TOR3A: variants seen among roughly 807,000 people sequenced by gnomAD.
TOR3A encodes the protein torsin family 3 member A.
In TOR3A, 44 loss-of-function variants were observed where a neutral mutation model predicts 42.1. That is an observed-to-expected ratio of 1.04 (90% CI 0.82 to 1.34). The LOEUF (loss-of-function observed/expected upper bound fraction) is 1.34, where lower values mean the gene tolerates loss of function less well. Among genes scored for constraint, TOR3A ranks in the 40% most tolerant of loss-of-function variants. The pLI is 0.00. For synonymous variants in TOR3A, 227 were observed against 213.2 expected (o/e 1.06, Z -0.57); for missense variants, 521 against 507.6 (o/e 1.03, Z -0.25).
At chr1:179,083,145 T>C (rs1572571907) in intron 2 of TOR3A, 92 bp downstream of exon 2, 1 of 705,050 alleles carries the variant, frequency 1.4e-6, no homozygotes, top group Non-Finnish European at 2.2e-6. Context: ...CCTTTCGTCA[T>C]CCTGCCCAGC....
In TOR3A at chr1:179,087,913, G is replaced by C; in HGVS notation, c.642G>C (p.Glu214Asp). ...GCTGCTCCCTATATCCCGTGCAGGAGCAGCTGATGAGCCAGATCCGGGAGA... is the reference window on the plus strand; with the variant it reads ...GCTGCTCCCTATATCCCGTGCAGGACCAGCTGATGAGCCAGATCCGGGAGA... The part of the protein sequence containing the change: ...PHPKYVDLYK[E>D]QLMSQIRETQ... Residue 214 changes from glutamate (E) to aspartate (D), a missense_variant and splice_region_variant, in exon 4 of 6, where the codon GAG becomes GAC. Physicochemically the swap from Glu to Asp is conservative, Grantham distance 45. Transcript: ENST00000367627. 5 of 1,582,114 alleles carry C rather than the reference G, an allele frequency of 3.2e-6. No individual in the cohort carries two copies. Among genetic ancestry groups the C allele is most frequent in the Non-Finnish European group, 4.3e-6 (5 of 1,165,136 alleles).
intron 1 of TOR3A, chr1:179,082,597 C>G (rs918747424): frequency 1.9e-5 from 15 of 779,958 alleles, no homozygotes; most frequent in Non-Finnish European, 3.0e-5. Flanking sequence ...CTGCGCACCC[C>G]CCTGGCGCCC....
intron 2 of TOR3A, among the ~76,000 whole-genome samples, chr1:179,085,122 A>G (rs1475399738): frequency 6.6e-6 from 1 of 151,834 alleles, no homozygotes; most frequent in African/African-American, 2.4e-5. Context: ...GATTTCCCAA[A>G]CTCTTCAAAA....
At position 179,085,656 on chromosome 1, in the gene TOR3A, G is replaced by A. The variant is rs1465670703; in HGVS notation, c.402G>A (p.Leu134=). ...TGLEWDLNVR[L]HGQHLVQQLV... is the part of the protein sequence containing the mutation. ...TAGAGTGGGACCTGAATGTGCGGCT[G>A]CATGGCCAGCATTTGGTCCAGCAGC... Residue 134 remains leucine (L), a synonymous_variant, in exon 3 of 6, where the codon CTG becomes CTA. Transcript: ENST00000367627. The A allele has an allele frequency of 1.2e-6, 2 of 1,614,156 alleles. No homozygotes were observed. The highest frequency in any genetic ancestry group is 1.7e-6 in the Non-Finnish European group (2 of 1,180,030).
Position 179,082,289 on chromosome 1 carries a change from C to G in TOR3A, c.161C>G (p.Ala54Gly). The change falls in exon 1 of 6, where the codon GCG becomes GGG. Residue 54 changes from alanine (A) to glycine (G), a missense_variant. Ala to Gly is a moderately conservative substitution (Grantham distance 60, BLOSUM62 0). Coordinates refer to ENST00000367627, the MANE Select transcript of TOR3A (RefSeq NM_022371.4). ...GFQRLQEQLRAAGALSKRYWT... is the reference protein window; with the variant it reads ...GFQRLQEQLRGAGALSKRYWT... ...CAGCGCCTGCAGGAGCAGCTCAGGG[C>G]GGCGGGTGCCCTCTCCAAGCGGTAC... The G allele has an allele frequency of 6.3e-7, 1 of 1,581,818 alleles. No homozygotes were observed. Among genetic ancestry groups the G allele is most frequent in the South Asian group, 1.1e-5 (1 of 87,892 alleles).
intron 4 of TOR3A, among the ~76,000 whole-genome samples, chr1:179,092,554 G>A (rs1009380160): frequency 6.6e-6 from 1 of 152,032 alleles, no homozygotes; most frequent in Non-Finnish European, 1.5e-5. Flanking sequence ...GTGAGACCTC[G>A]TCTCTACAAA....
chr1:179,087,117 C>T (rs1652456708), intron 3 of TOR3A, among the ~76,000 whole-genome samples: 2 of 152,260 alleles, frequency 1.3e-5, no homozygotes. Context: ...CACAAAGGTG[C>T]ACCCAGTAGA....
At chr1:179,082,518 C>G in intron 1 of TOR3A, 131 bp downstream of exon 1, 1 of 1,341,318 alleles carries the variant, frequency 7.5e-7, no homozygotes, top group Non-Finnish European at 1.0e-6. Context: ...CCGCCGGTAC[C>G]GGCTGTGGGC....
intron 4 of TOR3A, among the ~76,000 whole-genome samples, chr1:179,092,932 G>A (rs1652631170): frequency 6.6e-6 from 1 of 152,184 alleles, no homozygotes; most frequent in African/African-American, 2.4e-5. Flanking sequence ...TGAGCCTGGG[G>A]AGGTGGAGGC....
At position 179,088,027 on chromosome 1, in the gene TOR3A, A is replaced by G. The variant is rs770388493; in HGVS notation, c.756A>G (p.Leu252=). Residue 252 remains leucine, a synonymous_variant, in exon 4 of 6, where the codon TTA becomes TTG. Transcript: ENST00000367627. ...TGCTGGAGGTCCTTGGGCCACACTT[A>G]GAACGCCGGGCCCCTGAGGGCCACA... The part of the protein sequence containing the change: ...PGLLEVLGPH[L]ERRAPEGHRA... 8 of 1,613,520 alleles carry G rather than the reference A, an allele frequency of 5.0e-6. No homozygotes were observed. The highest frequency in any genetic ancestry group is 3.3e-5 in the Admixed American group (2 of 59,902).
chr1:179,091,100 G>A (rs938396447), intron 4 of TOR3A, among the ~76,000 whole-genome samples: 2 of 152,194 alleles, frequency 1.3e-5, no homozygotes, highest in African/African-American at 4.8e-5. Flanking sequence ...CTGTTCTTTA[G>A]GAAAGATGTA....
intron 4 of TOR3A, among the ~76,000 whole-genome samples, chr1:179,088,875 G>A (rs16853640): frequency 0.1 from 15,853 of 152,250 alleles, 908 homozygotes; most frequent in African/African-American, 0.15. Flanking sequence ...CAATTTGAAG[G>A]CTTCACAACA....
chr1:179,086,171 G>A (rs1436905826), intron 3 of TOR3A, among the ~76,000 whole-genome samples: 1 of 152,218 alleles, frequency 6.6e-6, no homozygotes, highest in African/African-American at 2.4e-5. Flanking sequence ...GATTTTTGTT[G>A]TAGAAGTAGT....
At chr1:179,088,977 G>T (rs192389374) in intron 4 of TOR3A, among the ~76,000 whole-genome samples, 2 of 152,144 alleles carry the variant, frequency 1.3e-5, no homozygotes, top group Admixed American at 1.3e-4. Context: ...TTGCTGGGGG[G>T]GTTTCCCAAG....
At chr1:179,089,321 C>CAA (rs11311033) in intron 4 of TOR3A, among the ~76,000 whole-genome samples, 1,981 of 130,732 alleles carry the variant, frequency 0.015, 42 homozygotes, top group African/African-American at 0.044. Context: ...GACTCCATCT[C>CAA]AAAAAAAAAA....
chr1:179,094,383 A>C (rs1652677327), intron 5 of TOR3A, among the ~76,000 whole-genome samples, 166 bp downstream of exon 5: 1 of 152,218 alleles, frequency 6.6e-6, no homozygotes, highest in Non-Finnish European at 1.5e-5. Context: ...AAAAGTGGTA[A>C]GAAAGCCTGA....
chr1:179,095,851 T>C lies in TOR3A; in HGVS notation c.*633T>C, dbSNP rs1473435306. 14 of 985,772 alleles carry C rather than the reference T, an allele frequency of 1.4e-5. No individual in the cohort carries two copies. The highest frequency in any genetic ancestry group is 1.8e-5 in the African/African-American group (1 of 57,084). 61.1% of individuals were successfully genotyped at this position (985,772 alleles called of 1,614,324 possible). On this transcript the variant is annotated 3_prime_UTR_variant, in exon 6 of 6. Coordinates refer to ENST00000367627, the MANE Select transcript of TOR3A (RefSeq NM_022371.4). ...AGGGAAAAGTACACAGAGGAAGATA[T>C]TTTACAAACCAGGTCAGTGTAGGCC...
chr1:179,086,015 C>A, intron 3 of TOR3A, 122 bp downstream of exon 3: 2 of 1,270,316 alleles, frequency 1.6e-6, no homozygotes, highest in Non-Finnish European at 2.2e-6. Context: ...GTGGCAGAAC[C>A]TGTGACAGAG....
Position 179,085,522 on chromosome 1 carries a change from T to G in TOR3A, c.374-106T>G, listed in dbSNP as rs563077329. 1.1e-5 allele frequency: 16 copies of G among 1,438,082 alleles called. No homozygotes were observed. The South Asian group carries it at 1.8e-4, about 16-fold the overall frequency. The allele number at this position is 1,438,082 out of a possible 1,614,324, so 89.1% of individuals were successfully genotyped here. On this transcript the variant is annotated intron_variant, in intron 2 of 5. Coordinates refer to ENST00000367627, the MANE Select transcript of TOR3A (RefSeq NM_022371.4). ...AGGCCAAACAGGAGGAGTAACTGAT[T>G]CCACCCGAGAGAGATTCAGAGTTGC...
Sources: gnomAD v4.1 joint callset for allele counts (sites outside exome capture counted in the v4.1 genomes callset) on GRCh38, gnomAD v4.1.1 for gene constraint, MANE v1.5 for transcripts, NCBI Gene and HGNC (gene_info 2026-07-23, HGNC 2026-07-21) for gene names.